The following DNAH5 variants were observed in gnomAD, a reference collection of about 807,000 sequenced individuals.
DNAH5 encodes axonemal beta dynein heavy chain 5.
Under a neutral mutation model 518.2 loss-of-function variants are expected in DNAH5, and 372 were observed. The ratio of observed to expected loss-of-function variants is 0.72; its 90% CI spans 0.66 to 0.78. DNAH5 has a LOEUF of 0.78. Ranked by LOEUF, DNAH5 falls within the 30% of genes least tolerant of loss-of-function variation. DNAH5 has a pLI of 0.00. For missense variants in DNAH5, 5,523 were observed against 5,687.0 expected (o/e 0.97, Z 0.93); for synonymous variants, 2,039 against 2,025.9 (o/e 1.01, Z -0.17).
In DNAH5 at chr5:13,921,748, A is replaced by AC. The variant is rs765137275; in HGVS notation, c.660+358dup. ...TCCCACCTCCATCTGCCGCCCACAC[A>AC]CACCCCCCCACACACACACACACTT... On this transcript the variant is annotated intron_variant, in intron 5 of 78. Coordinates refer to ENST00000265104, the MANE Select transcript of DNAH5 (RefSeq NM_001369.3). Among the ~76,000 whole-genome samples, 98 of 67,444 alleles carry AC rather than the reference A, an allele frequency of 1.5e-3. 3 individuals are homozygous for AC. The South Asian group carries it at 0.027, about 19-fold the overall frequency. The allele number at this position is 67,444 out of a possible 152,430, so 44.2% of individuals were successfully genotyped here. A position where few individuals can be genotyped will look rare whatever the true frequency, so the allele number is the denominator to read the frequency against.
rs1476482334 is a variant in DNAH5, at chr5:13,766,000, T to C, written c.10077A>G (p.Ala3359=). Reference sequence around the variant, plus strand: ...CCTGTAAGTTCTGTAAAAAGTTCCCTGCAGTCATCAATTTTAAGGATTCCT... The same window carrying C: ...CCTGTAAGTTCTGTAAAAAGTTCCCCGCAGTCATCAATTTTAAGGATTCCT... ...SWQESLKLMT[A]GNFLQNLQQF... Residue 3359 remains alanine (A), a synonymous_variant, in exon 59 of 79, where the codon GCA becomes GCG. Transcript: ENST00000265104. The C allele has an allele frequency of 1.9e-6, 3 of 1,614,220 alleles. No homozygotes were observed. The highest frequency in any genetic ancestry group is 8.5e-7 in the Non-Finnish European group (1 of 1,180,012).
chr5:13,714,424 G>T lies in DNAH5; in HGVS notation c.13106C>A (p.Pro4369Gln). The T allele has an allele frequency of 6.2e-7, 1 of 1,614,074 alleles. No homozygotes were observed. The highest frequency in any genetic ancestry group is 8.5e-7 in the Non-Finnish European group (1 of 1,179,988). Residue 4369 changes from proline (P) to glutamine (Q), a missense_variant, in exon 75 of 79, where the codon CCA (proline) becomes CAA (glutamine). Physicochemically the swap from Pro to Gln is moderately conservative, Grantham distance 76 (BLOSUM62 -1). Transcript: ENST00000265104. ...LADDMLEKLP[P>Q]DYVPFEVKER... ...ACTCACTTCAAAGGGGACATAGTCT[G>T]GGGGCAGCTTCTCCAGCATATCATC...
rs529367676 is a variant in DNAH5 at position 13,942,975 on chromosome 5, C to T, written c.57+1407G>A. On this transcript the variant is annotated intron_variant, in intron 1 of 78. Transcript: ENST00000265104. Reference sequence around the variant, plus strand: ...AAACTGTGTAATTATTTACATAATACACTGCAATACTATTAAGGTAATTCT... The same window carrying T: ...AAACTGTGTAATTATTTACATAATATACTGCAATACTATTAAGGTAATTCT... Among the ~76,000 whole-genome samples, 5 of 152,244 alleles carry T rather than the reference C, an allele frequency of 3.3e-5. No individual in the cohort carries two copies. The South Asian group carries it at 1.0e-3, about 32-fold the overall frequency.
intron 1 of DNAH5, among the ~76,000 whole-genome samples, chr5:13,997,934 C>A (rs1157992848): frequency 6.6e-6 from 1 of 151,808 alleles, no homozygotes; most frequent in Non-Finnish European, 1.5e-5. Context: ...ACCTCCACCT[C>A]CCAGGTTCAA....
intron 16 of DNAH5, among the ~76,000 whole-genome samples, chr5:13,893,985 G>A (rs1440116913): frequency 1.3e-5 from 2 of 151,834 alleles, no homozygotes; most frequent in Non-Finnish European, 2.9e-5. Flanking sequence ...GGATCTGTAA[G>A]GTGTTAATGT....
intron 58 of DNAH5, among the ~76,000 whole-genome samples, chr5:13,767,743 A>C (rs1752709623): frequency 6.6e-6 from 1 of 152,228 alleles, no homozygotes; most frequent in Non-Finnish European, 1.5e-5. Flanking sequence ...GTTTCACCTA[A>C]GCATTAAAGT....
intron 1 of DNAH5, among the ~76,000 whole-genome samples, chr5:13,989,095 G>A (rs1316875062): frequency 6.6e-6 from 1 of 152,144 alleles, no homozygotes; most frequent in Non-Finnish European, 1.5e-5. Context: ...GTGGTAAGCA[G>A]GGTCACTGGA....
At chr5:13,944,921 G>C (rs1779789698), upstream of DNAH5, among the ~76,000 whole-genome samples, 1 of 152,198 alleles carries the variant, frequency 6.6e-6, no homozygotes, top group African/African-American at 2.4e-5. Context: ...CCACAGCTCT[G>C]AATATATTGT....
At chr5:13,765,618 G>A (rs1028580008) in intron 59 of DNAH5, among the ~76,000 whole-genome samples, 3 of 151,982 alleles carry the variant, frequency 2.0e-5, no homozygotes, top group Non-Finnish European at 4.4e-5. Flanking sequence ...TTCATGTTAA[G>A]TTCTATCTCA....
At chr5:13,997,889 G>A (rs1029842761) in intron 1 of DNAH5, among the ~76,000 whole-genome samples, 1 of 150,104 alleles carries the variant, frequency 6.7e-6, no homozygotes, top group Non-Finnish European at 1.5e-5. Context: ...TGTCACCCAG[G>A]TTGGAGTGCC....
rs187451545 is a variant in DNAH5, at chr5:13,730,873, T to A, written c.11762-1313A>T. 1.1e-3 allele frequency among the ~76,000 whole-genome samples: 169 copies of A among 152,176 alleles called. 3 individuals carry two copies. Among genetic ancestry groups the A allele is most frequent in the Admixed American group, 8.3e-3 (127 of 15,276 alleles). On this transcript the variant is annotated intron_variant, in intron 68 of 78. Transcript: ENST00000265104. ...GCATGACCACGCCTGGCTAATTTTGTATTTTTAGTAGAGGCGGGGTTTCTC... is the reference window on the plus strand; with the variant it reads ...GCATGACCACGCCTGGCTAATTTTGAATTTTTAGTAGAGGCGGGGTTTCTC...
chr5:13,919,605 G>C (rs1361122140), intron 6 of DNAH5, among the ~76,000 whole-genome samples: 1 of 152,012 alleles, frequency 6.6e-6, no homozygotes, highest in Non-Finnish European at 1.5e-5. Flanking sequence ...TTATATTTTG[G>C]GGGGTTTTTA....
chr5:13,851,830 T>C (rs762079839), intron 30 of DNAH5, among the ~76,000 whole-genome samples: 3 of 151,962 alleles, frequency 2.0e-5, no homozygotes, highest in Admixed American at 6.6e-5. Context: ...CCCAGCAAGA[T>C]CAACACAGAA....
At chr5:13,793,855 T>C (rs1018963091) in intron 48 of DNAH5, 81 bp downstream of exon 48, 138 of 1,558,520 alleles carry the variant, frequency 8.9e-5, no homozygotes, top group Non-Finnish European at 1.1e-4. Flanking sequence ...AGTAAAAACT[T>C]AAAAAAAATT....
chr5:13,988,933 G>A (rs150079071), intron 1 of DNAH5, among the ~76,000 whole-genome samples: 3,806 of 150,934 alleles, frequency 0.025, 144 homozygotes, highest in African/African-American at 0.087. Context: ...TCACCATGTT[G>A]GCCAGGCCTG....
intron 1 of DNAH5, among the ~76,000 whole-genome samples, chr5:13,939,871 C>G (rs1288618967): frequency 1.3e-5 from 2 of 152,190 alleles, no homozygotes; most frequent in Non-Finnish European, 2.9e-5. Flanking sequence ...GCTAATCCCA[C>G]TCACAGCAGG....
In DNAH5 at chr5:13,753,539, C is replaced by G; in HGVS notation, c.10566G>C (p.Leu3522=). Residue 3522 remains leucine (L), a synonymous_variant, in exon 63 of 79, where the codon CTG becomes CTC. Transcript: ENST00000265104. Reference sequence around the variant, plus strand: ...AATAAGATAGAAAAGCTGTAGCCAACAGTACATCCCCTAAAATAGAAAACA... The same window carrying G: ...AATAAGATAGAAAAGCTGTAGCCAAGAGTACATCCCCTAAAATAGAAAACA... ...AQTKRLVGDV[L]LATAFLSYSG... is the part of the protein sequence containing the mutation. 6.2e-7 allele frequency: 1 copy of G among 1,613,236 alleles called. No individual in the cohort carries two copies. The highest frequency in any genetic ancestry group is 8.5e-7 in the Non-Finnish European group (1 of 1,179,524).
chr5:13,755,513 T>C (rs1286023133), intron 61 of DNAH5, among the ~76,000 whole-genome samples: 1 of 152,238 alleles, frequency 6.6e-6, no homozygotes, highest in Non-Finnish European at 1.5e-5. Flanking sequence ...ATATGATTAA[T>C]GTTCATCTCC....
Position 13,737,189 on chromosome 5 carries a change from C to G in DNAH5, c.11455+63G>C, listed in dbSNP as rs1274045746. On this transcript the variant is annotated intron_variant, in intron 66 of 78. Transcript: ENST00000265104. ...AACTCCCTCACATCCTTCCATTTCT[C>G]TAATTCTCATTCCTCTCTCATTTCA... The G allele has an allele frequency of 2.5e-6, 4 of 1,607,040 alleles. No homozygotes were observed. The African/African-American group carries it at 5.3e-5, about 21-fold the overall frequency.
Sources: gnomAD v4.1 joint callset for allele counts (sites outside exome capture counted in the v4.1 genomes callset) on GRCh38, gnomAD v4.1.1 for gene constraint, MANE v1.5 for transcripts, NCBI Gene and HGNC (gene_info 2026-07-23, HGNC 2026-07-21) for gene names.